CSMD1: variants seen among roughly 807,000 people sequenced by gnomAD.
CSMD1 encodes the protein CUB and Sushi multiple domains 1.
In CSMD1, 213 loss-of-function variants were observed where a neutral mutation model predicts 417.5. The observed-to-expected ratio is 0.51, with a 90% CI of 0.46 to 0.57. CSMD1 has a LOEUF of 0.57. Among genes scored for constraint, CSMD1 ranks in the 20% least tolerant of loss-of-function variants. The pLI, the probability that CSMD1 is intolerant of heterozygous loss-of-function variation, is 0.00. For synonymous variants in CSMD1, 2,862 were observed against 1,736.8 expected (o/e 1.65, Z -16.11); for missense variants, 6,923 against 4,529.7 (o/e 1.53, Z -15.17).
intron 1 of CSMD1, among the ~76,000 whole-genome samples, chr8:4,793,126 A>C (rs1445185235): frequency 6.6e-6 from 1 of 152,164 alleles, no homozygotes; most frequent in Non-Finnish European, 1.5e-5. Context: ...GAAATATAGC[A>C]TAACAGGTCA....
intron 49 of CSMD1, among the ~76,000 whole-genome samples, chr8:3,082,444 C>T (rs1352194711): frequency 1.3e-5 from 2 of 152,190 alleles, no homozygotes; most frequent in Non-Finnish European, 2.9e-5. Flanking sequence ...ATATCCTGGA[C>T]CTTCTCTGCT....
intron 5 of CSMD1, among the ~76,000 whole-genome samples, chr8:3,789,395 TTTTTTTAA>T (rs1799609509): frequency 2.5e-5 from 1 of 40,814 alleles, no homozygotes; most frequent in Non-Finnish European, 5.7e-5. Context: ...GTAGTGTTTT[TTTTTTTAA>T]GTAAGTTTTT....
intron 5 of CSMD1, among the ~76,000 whole-genome samples, chr8:3,784,320 C>A (rs1799331744): frequency 6.6e-6 from 1 of 152,160 alleles, no homozygotes; most frequent in Non-Finnish European, 1.5e-5. Flanking sequence ...TTTCTAATAT[C>A]TCACTTCTAA....
chr8:3,712,396 GAGAGACAGACAGAC>G (rs775117359), intron 6 of CSMD1, among the ~76,000 whole-genome samples: 20,343 of 62,888 alleles, frequency 0.32, 1,641 homozygotes, highest in East Asian at 0.43. Context: ...GAGAGAGAGA[GAGAGACAGACAGAC>G]AGACAGACAG....
intron 44 of CSMD1, among the ~76,000 whole-genome samples, chr8:3,108,393 A>G (rs1272271318): frequency 6.6e-6 from 1 of 152,210 alleles, no homozygotes; most frequent in Non-Finnish European, 1.5e-5. Flanking sequence ...TGTATCTTGG[A>G]ATAAATCCAA....
At chr8:3,401,273 A>T (rs997768243) in intron 15 of CSMD1, among the ~76,000 whole-genome samples, 11 of 152,110 alleles carry the variant, frequency 7.2e-5, no homozygotes, top group African/African-American at 2.7e-4. Flanking sequence ...CTATGTGTGA[A>T]TTTCCATATA....
intron 3 of CSMD1, among the ~76,000 whole-genome samples, chr8:4,372,347 G>T (rs756056421): frequency 6.6e-6 from 1 of 152,088 alleles, no homozygotes; most frequent in Admixed American, 6.6e-5. Context: ...AAGGAGGAAC[G>T]CTTAGTGTTT....
intron 1 of CSMD1, among the ~76,000 whole-genome samples, chr8:4,833,526 C>A (rs1292602853): frequency 2.0e-5 from 3 of 152,168 alleles, no homozygotes; most frequent in South Asian, 2.1e-4. Flanking sequence ...AACCCTATCA[C>A]CCACTAACAG....
In CSMD1 at chr8:3,919,138, G is replaced by A. The variant is rs548261662; in HGVS notation, c.818+78765C>T. Among the ~76,000 whole-genome samples, 9 of 131,964 alleles carry A rather than the reference G, an allele frequency of 6.8e-5. No homozygotes were observed. The South Asian group carries it at 9.7e-4, about 14-fold the overall frequency. The allele number at this position is 131,964 out of a possible 152,430, so 86.6% of individuals were successfully genotyped here. ...TGCAGAAGATTCTGTGTTTGACGTAGTCCCACTTCTTTTGATTTGGTTGCC... is the reference window on the plus strand; with the variant it reads ...TGCAGAAGATTCTGTGTTTGACGTAATCCCACTTCTTTTGATTTGGTTGCC... On this transcript the variant is annotated intron_variant, in intron 5 of 69. Transcript: ENST00000635120.
chr8:3,590,493 C>G (rs936230860), intron 8 of CSMD1, among the ~76,000 whole-genome samples: 1 of 152,126 alleles, frequency 6.6e-6, no homozygotes, highest in Non-Finnish European at 1.5e-5. Context: ...TGCTCCTGAG[C>G]TTCCACAATC....
intron 41 of CSMD1, among the ~76,000 whole-genome samples, chr8:3,123,943 A>C (rs1225185901): frequency 9.9e-5 from 15 of 152,200 alleles, no homozygotes; most frequent in Admixed American, 9.8e-4. Flanking sequence ...TTTTTGGGAT[A>C]GGTAAAACTA....
At position 4,604,869 on chromosome 8, in the gene CSMD1, T is replaced by C. The variant is rs138738534; in HGVS notation, c.302+32473A>G. Among the ~76,000 whole-genome samples the C allele has an allele frequency of 2.2e-4, 34 of 152,350 alleles. No individual in the cohort carries two copies. In the East Asian group the frequency reaches 6.6e-3, roughly 29 times the overall value. ...TACTCTGATAGCAAAAGGTAATTAT[T>C]GAAGATTTACTTTGACTCTGACGGT... is the stretch of plus-strand genomic sequence containing the variant. On this transcript the variant is annotated intron_variant, in intron 2 of 69. Transcript: ENST00000635120.
intron 6 of CSMD1, among the ~76,000 whole-genome samples, chr8:3,712,717 T>C (rs1312390182): frequency 1.3e-5 from 2 of 152,228 alleles, no homozygotes; most frequent in African/African-American, 2.4e-5. Context: ...TGTTTTGTTT[T>C]ATTGTGTGGA....
chr8:3,118,702 A>G, intron 41 of CSMD1, 115 bp from the exon 42 acceptor site: 1 of 860,222 alleles, frequency 1.2e-6, no homozygotes, highest in Non-Finnish European at 1.8e-6. Context: ...GGATAAGTTT[A>G]ATAAGGTATA....
At chr8:3,818,037 G>A (rs1387129476) in intron 5 of CSMD1, among the ~76,000 whole-genome samples, 6 of 152,082 alleles carry the variant, frequency 3.9e-5, no homozygotes, top group Admixed American at 3.3e-4. Flanking sequence ...CCCAAACCAC[G>A]ACTCTCGTTC....
chr8:3,456,318 C>CTCCACCCACTGTCT (rs57728900), intron 12 of CSMD1, among the ~76,000 whole-genome samples: 1 of 151,526 alleles, frequency 6.6e-6, no homozygotes, highest in Non-Finnish European at 1.5e-5. Context: ...ACCCACTGTC[C>CTCCACCCACTGTCT]GACACTCCCC....
chr8:4,757,775 A>T (rs753838825), intron 1 of CSMD1, among the ~76,000 whole-genome samples: 2 of 152,054 alleles, frequency 1.3e-5, no homozygotes, highest in East Asian at 3.9e-4. Flanking sequence ...CCTGGCCAAC[A>T]TGGTGAAACC....
intron 26 of CSMD1, among the ~76,000 whole-genome samples, chr8:3,236,953 T>C (rs1408937554): frequency 6.6e-6 from 1 of 151,986 alleles, no homozygotes; most frequent in East Asian, 1.9e-4. Context: ...ACAGGCCCAT[T>C]GGCCTCTGAG....
chr8:3,263,942 A>C (rs1422790721), intron 26 of CSMD1, among the ~76,000 whole-genome samples: 1 of 152,248 alleles, frequency 6.6e-6, no homozygotes, highest in Non-Finnish European at 1.5e-5. Flanking sequence ...GCTAACATTT[A>C]AACTTTGAAT....
Sources: allele counts gnomAD v4.1 joint callset (sites outside exome capture counted in the v4.1 genomes callset), GRCh38; gene constraint gnomAD v4.1.1; transcripts MANE v1.5; gene names NCBI Gene and HGNC (gene_info 2026-07-23, HGNC 2026-07-21).